MICAL3: variants seen among roughly 807,000 people sequenced by gnomAD.
MICAL3 encodes the protein microtubule associated monooxygenase, calponin and LIM domain containing 3, also known as [F-actin]-monooxygenase MICAL3.
MICAL3 carries 62 observed loss-of-function variants against 207.4 expected under a neutral mutation model. The observed-to-expected ratio is 0.30, with a 90% CI of 0.24 to 0.37. The LOEUF (loss-of-function observed/expected upper bound fraction) is 0.37, where lower values mean the gene tolerates loss of function less well. Among genes scored for constraint, MICAL3 ranks in the 10% least tolerant of loss-of-function variants. MICAL3 has a pLI of 1.00. For missense variants in MICAL3, 2,368 were observed against 2,635.6 expected, an observed-to-expected ratio of 0.90 and a Z score of 2.22; for synonymous variants, 1,077 against 1,069.3, an observed-to-expected ratio of 1.01 and a Z score of -0.14.
chr22:17,869,724 G>T (rs1215797312), intron 17 of MICAL3, among the ~76,000 whole-genome samples: 1 of 152,214 alleles, frequency 6.6e-6, no homozygotes, highest in South Asian at 2.1e-4. Flanking sequence ...GACCTGGAAT[G>T]AATCTCAGGT....
intron 6 of MICAL3, among the ~76,000 whole-genome samples, 174 bp from the exon 7 acceptor site, chr22:17,899,722 G>C (rs1260025139): frequency 6.6e-6 from 1 of 152,072 alleles, no homozygotes; most frequent in African/African-American, 2.4e-5. Context: ...GAAATACAGG[G>C]AGTTTTGTTT....
chr22:17,920,428 A>G (rs1932775787), intron 1 of MICAL3, among the ~76,000 whole-genome samples: 1 of 151,270 alleles, frequency 6.6e-6, no homozygotes, highest in South Asian at 2.1e-4. Flanking sequence ...TGTCTCCAAC[A>G]CTCCACTGAG....
chr22:17,958,705 AT>A lies in MICAL3; in HGVS notation c.-74-51820del, dbSNP rs201043833. Reference sequence around the variant, plus strand: ...TGTTTTTGAGTTGTTGGGTTTTTTTATTTTTTTTTTCTTTTGAGACAGAGTT... The same window carrying A: ...TGTTTTTGAGTTGTTGGGTTTTTTTATTTTTTTTTCTTTTGAGACAGAGTT... On this transcript the variant is annotated intron_variant, in intron 1 of 31. Coordinates refer to ENST00000441493, the MANE Select transcript of MICAL3 (RefSeq NM_015241.3). Among the ~76,000 whole-genome samples, 7 of 135,658 alleles carry A rather than the reference AT, an allele frequency of 5.2e-5. No individual in the cohort carries two copies. The East Asian group carries it at 1.2e-3, about 23-fold the overall frequency. 89.0% of individuals were successfully genotyped at this position (135,658 alleles called of 152,430 possible). A position where few individuals can be genotyped will look rare whatever the true frequency, so the allele number is the denominator to read the frequency against.
chr22:17,926,634 C>T (rs1285805492), intron 1 of MICAL3, among the ~76,000 whole-genome samples: 1 of 152,230 alleles, frequency 6.6e-6, no homozygotes, highest in Admixed American at 6.5e-5. Flanking sequence ...TCTAGTAAAA[C>T]TGCCATCTAC....
At chr22:17,810,852 G>C (rs190183322) in intron 27 of MICAL3, 39 bp from the exon 28 acceptor site, 1 of 1,538,962 alleles carries the variant, frequency 6.5e-7, no homozygotes, top group Admixed American at 1.7e-5. Context: ...TCAGGTGCAC[G>C]GAGGCCTGGG....
In MICAL3 at chr22:17,895,301, A is replaced by C; in HGVS notation, c.1432T>G (p.Phe478Val). 6.2e-7 allele frequency: 1 copy of C among 1,613,716 alleles called. No homozygotes were observed. The highest frequency in any genetic ancestry group is 8.5e-7 in the Non-Finnish European group (1 of 1,179,768). Reference protein sequence around the residue: ...VTRYPNINVNFLRPSQVRHLY... With the variant: ...VTRYPNINVNVLRPSQVRHLY... ...GGTCTTACCTGGCTTGGCCGGAGGA[A>C]GTTGACGTTGATATTGGGATACCGA... Residue 478 changes from phenylalanine to valine, a missense_variant, in exon 10 of 32, where the codon TTC becomes GTC. Transcript: ENST00000441493.
At chr22:17,906,527 G>T (rs1569128031) in intron 2 of MICAL3, 22 bp downstream of exon 2, 2 of 1,612,544 alleles carry the variant, frequency 1.2e-6, no homozygotes, top group Non-Finnish European at 1.7e-6. Flanking sequence ...TGACCCCAGG[G>T]CCCAACAGGA....
intron 1 of MICAL3, among the ~76,000 whole-genome samples, chr22:17,988,403 C>T (rs1921265996): frequency 6.7e-6 from 1 of 149,580 alleles, no homozygotes; most frequent in Non-Finnish European, 1.5e-5. Flanking sequence ...CCACCACCCA[C>T]ACGCCAGATC....
intron 16 of MICAL3, chr22:17,884,502 C>A: frequency 1.6e-6 from 1 of 617,966 alleles, no homozygotes. Flanking sequence ...GGGACTCATT[C>A]TTAGAAAGTT....
chr22:18,020,613 T>TAAAAAAAAAAAA lies in MICAL3; in HGVS notation c.-75+3656_-75+3667dup, dbSNP rs55654559. 5.0e-4 allele frequency among the ~76,000 whole-genome samples: 60 copies of TAAAAAAAAAAAA among 119,524 alleles called. 1 individual carries two copies. The highest frequency in any genetic ancestry group is 1.2e-3 in the African/African-American group (35 of 30,068). The allele number at this position is 119,524 out of a possible 152,430, so 78.4% of individuals were successfully genotyped here. On this transcript the variant is annotated intron_variant, in intron 1 of 31. Coordinates refer to ENST00000441493, the MANE Select transcript of MICAL3 (RefSeq NM_015241.3). ...AAAATGGCTGTAAACCTTTAAAAAGTAAAAAAAAAAAAAAAAAAATAGGCT... is the reference window on the plus strand; with the variant it reads ...AAAATGGCTGTAAACCTTTAAAAAGTAAAAAAAAAAAAAAAAAAAAAAAAAAAAAAATAGGCT...
intron 1 of MICAL3, chr22:17,980,845 C>G (rs1352558532): frequency 1.7e-5 from 9 of 516,902 alleles, no homozygotes; most frequent in South Asian, 1.3e-4. Flanking sequence ...GCTGGCCCGT[C>G]ACCCTCAGTT....
chr22:17,877,478 G>A lies in MICAL3; in HGVS notation c.2242-5455C>T, dbSNP rs937777979. Among the ~76,000 whole-genome samples, 4 of 133,880 alleles carry A rather than the reference G, an allele frequency of 3.0e-5. No homozygotes were observed. In the East Asian group the frequency reaches 6.2e-4, roughly 21 times the overall value. 87.8% of individuals were successfully genotyped at this position (133,880 alleles called of 152,430 possible). A position where few individuals can be genotyped will look rare whatever the true frequency, so the allele number is the denominator to read the frequency against. On this transcript the variant is annotated intron_variant, in intron 16 of 31. Coordinates refer to ENST00000441493, the MANE Select transcript of MICAL3 (RefSeq NM_015241.3). ...AGGTTAGGGAGATTATGGAGGTTAG[G>A]GAGGTTATGGAGGTTAGGGAGGTTA...
chr22:17,946,232 T>G (rs1423505397), intron 1 of MICAL3, among the ~76,000 whole-genome samples: 1 of 152,138 alleles, frequency 6.6e-6, no homozygotes, highest in Non-Finnish European at 1.5e-5. Context: ...AAGACTGCAC[T>G]TTCCCTGGCT....
intron 19 of MICAL3, chr22:17,861,894 T>C: frequency 1.0e-6 from 1 of 985,506 alleles, no homozygotes; most frequent in African/African-American, 1.7e-5. Flanking sequence ...AGAGTGGTTC[T>C]TTGAACTGCA....
At chr22:17,863,621 A>G in intron 19 of MICAL3, 1 of 985,452 alleles carries the variant, frequency 1.0e-6, no homozygotes, top group Non-Finnish European at 1.2e-6. Context: ...TCAGATGATA[A>G]TAAGGGCACG....
At chr22:17,897,054 A>G (rs1023741346) in intron 7 of MICAL3, 73 bp from the exon 8 acceptor site, 5 of 1,478,856 alleles carry the variant, frequency 3.4e-6, no homozygotes, top group South Asian at 1.3e-5. Flanking sequence ...TACACAACCC[A>G]GGGCCACAGC....
chr22:17,844,088 C>T (rs956377567), intron 19 of MICAL3, among the ~76,000 whole-genome samples: 18 of 152,104 alleles, frequency 1.2e-4, no homozygotes, highest in Non-Finnish European at 2.4e-4. Context: ...CCTCGTGATC[C>T]GCCCGCCTCG....
chr22:17,924,538 A>G (rs1197107453), intron 1 of MICAL3, among the ~76,000 whole-genome samples: 1 of 152,212 alleles, frequency 6.6e-6, no homozygotes, highest in African/African-American at 2.4e-5. Flanking sequence ...ACTCAAAGGA[A>G]ACACTCAATG....
intron 1 of MICAL3, among the ~76,000 whole-genome samples, chr22:18,013,728 C>A (rs1459721124): frequency 6.6e-6 from 1 of 152,142 alleles, no homozygotes; most frequent in Non-Finnish European, 1.5e-5. Context: ...TAAATTAAAG[C>A]AATTGGCACT....
Sources: allele counts gnomAD v4.1 joint callset (sites outside exome capture counted in the v4.1 genomes callset), GRCh38; gene constraint gnomAD v4.1.1; transcripts MANE v1.5; gene names NCBI Gene and HGNC (gene_info 2026-07-23, HGNC 2026-07-21).